PPM1L: variants seen among roughly 807,000 people sequenced by gnomAD.
The protein encoded by PPM1L is protein phosphatase, Mg2+/Mn2+ dependent 1L, also known as protein phosphatase 1L.
Under a neutral mutation model 31.4 loss-of-function variants are expected in PPM1L, and 13 were observed. The observed-to-expected ratio is 0.41, with a 90% CI of 0.27 to 0.66. The LOEUF (loss-of-function observed/expected upper bound fraction) is 0.66. Among genes scored for constraint, PPM1L ranks in the 30% least tolerant of loss-of-function variants. The pLI is 0.29. For missense variants in PPM1L, 326 were observed against 453.7 expected, an observed-to-expected ratio of 0.72 and a Z score of 2.56; for synonymous variants, 184 against 175.4, an observed-to-expected ratio of 1.05 and a Z score of -0.39.
Position 160,906,284 on chromosome 3 carries a change from A to C in PPM1L, c.400-55452A>C, listed in dbSNP as rs1713754143. Among the ~76,000 whole-genome samples the C allele has an allele frequency of 9.2e-5, 14 of 152,290 alleles. No individual in the cohort carries two copies. In the South Asian group the frequency reaches 2.9e-3, roughly 32 times the overall value. On this transcript the variant is annotated intron_variant, in intron 1 of 3. Transcript: ENST00000498165. ...AAATTAGCAGCTTAAAACAGCAAATATTTGTATAATAATTGTTGTGGATTA... is the reference window on the plus strand; with the variant it reads ...AAATTAGCAGCTTAAAACAGCAAATCTTTGTATAATAATTGTTGTGGATTA...
chr3:160,814,601 ATG>A (rs1346528948), intron 1 of PPM1L, among the ~76,000 whole-genome samples: 15 of 128,414 alleles, frequency 1.2e-4, no homozygotes, highest in Admixed American at 3.7e-4. Context: ...ATATGTATGT[ATG>A]TGTATATATA....
At chr3:160,879,024 A>G (rs925809737) in intron 1 of PPM1L, among the ~76,000 whole-genome samples, 5 of 152,228 alleles carry the variant, frequency 3.3e-5, no homozygotes, top group Non-Finnish European at 7.3e-5. Context: ...TTGCTTGAGG[A>G]TAGTGAGGAC....
intron 2 of PPM1L, among the ~76,000 whole-genome samples, chr3:161,045,572 A>G (rs868662122): frequency 2.6e-5 from 4 of 152,202 alleles, no homozygotes; most frequent in Non-Finnish European, 4.4e-5. Context: ...TTTGAAACCA[A>G]TGAGAACAAA....
chr3:161,075,008 G>C lies in PPM1L; in HGVS notation c.*5851G>C, dbSNP rs1001472047. 1.3e-5 allele frequency: 2 copies of C among 152,020 alleles called. No homozygotes were observed. Among genetic ancestry groups the C allele is most frequent in the Non-Finnish European group, 2.9e-5 (2 of 68,010 alleles). The allele number at this position is 152,020 out of a possible 1,614,324, so 9.4% of individuals were successfully genotyped here. A position where few individuals can be genotyped will look rare whatever the true frequency, so the allele number is the denominator to read the frequency against. On this transcript the variant is annotated 3_prime_UTR_variant, in exon 4 of 4. Coordinates refer to ENST00000498165, the MANE Select transcript of PPM1L (RefSeq NM_139245.4). ...AATCTCAAAAACCTCCGAGGACATT[G>C]AGCACAAGCAGATTACTGTAAGGGC...
intron 1 of PPM1L, among the ~76,000 whole-genome samples, chr3:160,858,664 A>G (rs527516123): frequency 6.6e-6 from 1 of 152,324 alleles, no homozygotes; most frequent in East Asian, 1.9e-4. Flanking sequence ...TAAAAAATAC[A>G]AGAGTGTTTA....
At chr3:160,858,434 A>C (rs758644034) in intron 1 of PPM1L, among the ~76,000 whole-genome samples, 2 of 152,128 alleles carry the variant, frequency 1.3e-5, no homozygotes, top group African/African-American at 4.8e-5. Context: ...TTTAGTAGAC[A>C]CAGGGTTTCA....
rs190622766 is a variant in PPM1L at position 160,997,341 on chromosome 3, G to T, written c.574+35431G>T. ...GAAAGGAGCTGGATATGTGCGGGAGGTGGACTCTGTTCCTCACCAGTTATC... is the reference window on the plus strand; with the variant it reads ...GAAAGGAGCTGGATATGTGCGGGAGTTGGACTCTGTTCCTCACCAGTTATC... On this transcript the variant is annotated intron_variant, in intron 2 of 3. Transcript: ENST00000498165. 7.4e-4 allele frequency among the ~76,000 whole-genome samples: 112 copies of T among 152,272 alleles called. 2 individuals are homozygous for T. In the East Asian group the frequency reaches 0.02, roughly 27 times the overall value.
intron 1 of PPM1L, among the ~76,000 whole-genome samples, chr3:160,906,878 A>G (rs1261168236): frequency 1.3e-5 from 2 of 152,222 alleles, no homozygotes; most frequent in Non-Finnish European, 2.9e-5. Flanking sequence ...GCTTCCACAG[A>G]GCAGCTTACA....
At position 160,827,055 on chromosome 3, in the gene PPM1L, C is replaced by G. The variant is rs370583484; in HGVS notation, c.399+70348C>G. ...TGTGCGACAAAATGTGGTTCCAATACTGGCCTACTTAACACACTTTCTCAC... is the reference window on the plus strand; with the variant it reads ...TGTGCGACAAAATGTGGTTCCAATAGTGGCCTACTTAACACACTTTCTCAC... On this transcript the variant is annotated intron_variant, in intron 1 of 3. Transcript: ENST00000498165. Among the ~76,000 whole-genome samples, 4 of 152,158 alleles carry G rather than the reference C, an allele frequency of 2.6e-5. No homozygotes were observed. In the South Asian group the frequency reaches 8.3e-4, roughly 32 times the overall value.
intron 2 of PPM1L, among the ~76,000 whole-genome samples, chr3:160,967,819 C>T (rs554492254): frequency 2.6e-5 from 4 of 152,140 alleles, no homozygotes; most frequent in African/African-American, 9.6e-5. Flanking sequence ...ATATACGTGA[C>T]CTTGAGCAAG....
Position 160,756,574 on chromosome 3 carries a change from A to G in PPM1L, c.266A>G (p.Lys89Arg), listed in dbSNP as rs775392854. The G allele has an allele frequency of 2.2e-5, 36 of 1,614,160 alleles. No homozygotes were observed. The highest frequency in any genetic ancestry group is 3.0e-5 in the Non-Finnish European group (35 of 1,180,032). The change falls in exon 1 of 4, where the codon AAG becomes AGG. Residue 89 changes from lysine (K) to arginine (R), a missense_variant. Transcript: ENST00000498165. The surrounding 1 kb of genome is among the most constrained non-coding windows in gnomAD (Gnocchi z 6.2). Reference sequence around the variant, plus strand: ...GAGTTTTCCAAGACCTGGGAGTTCAAGAACCACAACGTGGCGGTGTACTCC... The same window carrying G: ...GAGTTTTCCAAGACCTGGGAGTTCAGGAACCACAACGTGGCGGTGTACTCC... The part of the protein sequence containing the change: ...EAEFSKTWEF[K>R]NHNVAVYSIQ...
rs551193067 is a variant in PPM1L at position 161,050,860 on chromosome 3, G to C, written c.575-14543G>C. Reference sequence around the variant, plus strand: ...GTTCAAATCTCTGATTATTTCCTTAGGATAAAATCCAAGAATTGGCATTAT... The same window carrying C: ...GTTCAAATCTCTGATTATTTCCTTACGATAAAATCCAAGAATTGGCATTAT... On this transcript the variant is annotated intron_variant, in intron 2 of 3. Transcript: ENST00000498165. Among the ~76,000 whole-genome samples, 212 of 152,176 alleles carry C rather than the reference G, an allele frequency of 1.4e-3. 1 individual carries two copies. Among genetic ancestry groups the C allele is most frequent in the Admixed American group, 4.3e-3 (66 of 15,268 alleles).
At chr3:160,846,013 A>T (rs1211907477) in intron 1 of PPM1L, among the ~76,000 whole-genome samples, 1 of 152,084 alleles carries the variant, frequency 6.6e-6, no homozygotes, top group Admixed American at 6.6e-5. Context: ...CAAAAAGAAG[A>T]TAGTTTTTAT....
At chr3:160,853,281 G>A (rs1711582845) in intron 1 of PPM1L, among the ~76,000 whole-genome samples, 1 of 151,980 alleles carries the variant, frequency 6.6e-6, no homozygotes, top group African/African-American at 2.4e-5. Flanking sequence ...TTGTTTTGGG[G>A]GCCACCATTC....
chr3:160,975,700 T>C (rs1352082126), intron 2 of PPM1L, among the ~76,000 whole-genome samples: 2 of 152,214 alleles, frequency 1.3e-5, no homozygotes, highest in African/African-American at 4.8e-5. Context: ...ATAAGAATGC[T>C]TGTGATTTTG....
chr3:160,763,671 G>A (rs1015051539), intron 1 of PPM1L, among the ~76,000 whole-genome samples: 23 of 152,188 alleles, frequency 1.5e-4, no homozygotes, highest in Admixed American at 3.9e-4. Flanking sequence ...GAGAACTACT[G>A]TATAGGAATG....
At chr3:160,836,438 A>C (rs144444498) in intron 1 of PPM1L, among the ~76,000 whole-genome samples, 122 of 152,340 alleles carry the variant, frequency 8.0e-4, no homozygotes, top group African/African-American at 2.9e-3. Flanking sequence ...CTCTCTAGCA[A>C]GAAGGCTCTT....
intron 2 of PPM1L, among the ~76,000 whole-genome samples, chr3:160,993,926 C>G (rs1487615281): frequency 6.6e-6 from 1 of 152,016 alleles, no homozygotes; most frequent in Non-Finnish European, 1.5e-5. Context: ...GCTCTCTCCC[C>G]AACTCCCATT....
intron 1 of PPM1L, chr3:160,882,188 C>T (rs560938921): frequency 3.8e-4 from 58 of 152,262 alleles, no homozygotes; most frequent in African/African-American, 1.3e-3. Context: ...ATGAATAACG[C>T]TTTCACTACT....
Sources: allele counts gnomAD v4.1 joint callset (sites outside exome capture counted in the v4.1 genomes callset), GRCh38; gene constraint gnomAD v4.1.1; non-coding constraint Gnocchi (gnomAD v3.1); transcripts MANE v1.5; gene names NCBI Gene and HGNC (gene_info 2026-07-23, HGNC 2026-07-21).